Variants in NCAM2 observed in about 807,000 individuals in gnomAD.
NCAM2 encodes neural cell adhesion molecule 2.
In NCAM2, 30 loss-of-function variants were observed where a neutral mutation model predicts 98.1. That is an observed-to-expected ratio of 0.31 (90% CI 0.23 to 0.41). The LOEUF is 0.41. NCAM2 is among the 10% of genes least tolerant of loss of function. The pLI is 1.00. For missense variants in NCAM2, 867 were observed against 1,005.8 expected (o/e 0.86, Z 1.87); for synonymous variants, 368 against 342.4 (o/e 1.07, Z -0.83).
intron 6 of NCAM2, among the ~76,000 whole-genome samples, chr21:21,333,473 C>T (rs1247292783): frequency 6.6e-6 from 1 of 152,122 alleles, no homozygotes; most frequent in Non-Finnish European, 1.5e-5. Flanking sequence ...TCTATTAATG[C>T]CAACCAAATT....
At chr21:21,222,073 G>C (rs1398391372) in intron 1 of NCAM2, among the ~76,000 whole-genome samples, 2 of 152,108 alleles carry the variant, frequency 1.3e-5, no homozygotes, top group East Asian at 3.9e-4. Context: ...GACCAACAAA[G>C]CCTGGATGAC....
intron 1 of NCAM2, among the ~76,000 whole-genome samples, chr21:21,026,806 T>A (rs2064555538): frequency 6.6e-6 from 1 of 151,840 alleles, no homozygotes; most frequent in Non-Finnish European, 1.5e-5. Flanking sequence ...ATTTTCTTAA[T>A]CCTATATGAG....
chr21:21,015,870 A>G (rs1053028851), intron 1 of NCAM2, among the ~76,000 whole-genome samples: 2 of 148,852 alleles, frequency 1.3e-5, no homozygotes, highest in Non-Finnish European at 3.0e-5. Flanking sequence ...TGCCTGGCTA[A>G]TTTTTTTTTT....
At chr21:21,082,281 C>CAACA (rs374999794) in intron 1 of NCAM2, among the ~76,000 whole-genome samples, 1 of 127,874 alleles carries the variant, frequency 7.8e-6, no homozygotes, top group Non-Finnish European at 1.6e-5. Context: ...GAGCTCAAAA[C>CAACA]AAAAAAAAAA....
intron 1 of NCAM2, among the ~76,000 whole-genome samples, chr21:21,250,401 G>T (rs1241722217): frequency 1.3e-5 from 2 of 152,190 alleles, no homozygotes; most frequent in African/African-American, 4.8e-5. Flanking sequence ...AACCATAGGT[G>T]CTGTGTATTT....
chr21:21,052,785 A>G (rs954741737), intron 1 of NCAM2, among the ~76,000 whole-genome samples: 5 of 152,210 alleles, frequency 3.3e-5, no homozygotes, highest in African/African-American at 4.8e-5. Flanking sequence ...TAAAAAATCA[A>G]TTATTGCGTA....
chr21:21,531,420 A>G (rs1989687191), intron 16 of NCAM2, among the ~76,000 whole-genome samples: 1 of 152,184 alleles, frequency 6.6e-6, no homozygotes, highest in Non-Finnish European at 1.5e-5. Flanking sequence ...CAGCTATTAC[A>G]AGTAACCTAC....
intron 1 of NCAM2, among the ~76,000 whole-genome samples, chr21:21,245,369 G>A (rs73896626): frequency 1.8e-4 from 27 of 152,062 alleles, no homozygotes; most frequent in Admixed American, 1.6e-3. Context: ...ATATGTGTTC[G>A]ACCCTTCTTT....
intron 5 of NCAM2, among the ~76,000 whole-genome samples, chr21:21,310,326 G>T (rs371204381): frequency 1.3e-5 from 2 of 152,184 alleles, no homozygotes; most frequent in East Asian, 1.9e-4. Flanking sequence ...CACATTTTAG[G>T]TGTCTCAGGA....
chr21:21,530,244 T>G (rs1341451004), intron 16 of NCAM2, among the ~76,000 whole-genome samples: 1 of 127,770 alleles, frequency 7.8e-6, no homozygotes, highest in Non-Finnish European at 1.6e-5. Flanking sequence ...TTAATTTAAA[T>G]TAATTATATA....
At chr21:21,113,442 A>G (rs565036578) in intron 1 of NCAM2, among the ~76,000 whole-genome samples, 176 of 152,342 alleles carry the variant, frequency 1.2e-3, no homozygotes, top group African/African-American at 3.9e-3. Context: ...TTGTAACTGC[A>G]TATTAGCCAT....
At chr21:21,210,012 T>C (rs1429898054) in intron 1 of NCAM2, among the ~76,000 whole-genome samples, 1 of 152,200 alleles carries the variant, frequency 6.6e-6, no homozygotes, top group Admixed American at 6.5e-5. Flanking sequence ...GACTTTCCAT[T>C]GTGGAAGTCA....
At chr21:21,147,331 AAAG>A in intron 1 of NCAM2, 1 of 958,372 alleles carries the variant, frequency 1.0e-6, no homozygotes, top group South Asian at 4.8e-5. Context: ...TTGAATGTTG[AAAG>A]AAGGGGCTAG....
At chr21:21,055,570 T>G (rs2065193969) in intron 1 of NCAM2, among the ~76,000 whole-genome samples, 2 of 152,096 alleles carry the variant, frequency 1.3e-5, no homozygotes, top group Admixed American at 1.3e-4. Context: ...TTAATTTGTT[T>G]GAATTATAAT....
intron 5 of NCAM2, among the ~76,000 whole-genome samples, chr21:21,303,800 T>C (rs76332292): frequency 0.014 from 2,116 of 152,298 alleles, 15 homozygotes; most frequent in Middle Eastern, 0.037. Flanking sequence ...CTCAGGACTT[T>C]ATGTTTAGAC....
chr21:21,173,092 T>C (rs2068174872), intron 1 of NCAM2, among the ~76,000 whole-genome samples: 1 of 152,148 alleles, frequency 6.6e-6, no homozygotes, highest in African/African-American at 2.4e-5. Context: ...AATGTAACAT[T>C]ATGCCTGAAG....
chr21:21,105,444 A>G (rs1195256889), intron 1 of NCAM2, among the ~76,000 whole-genome samples: 4 of 152,132 alleles, frequency 2.6e-5, no homozygotes, highest in Non-Finnish European at 5.9e-5. Context: ...AACAGCCAAA[A>G]TGGAAGCAAG....
rs183284518 is a variant in NCAM2, at chr21:21,087,602, A to G, written c.55+88984A>G. Among the ~76,000 whole-genome samples the G allele has an allele frequency of 4.6e-5, 7 of 152,234 alleles. No individual in the cohort carries two copies. The East Asian group carries it at 7.7e-4, about 17-fold the overall frequency. On this transcript the variant is annotated intron_variant, in intron 1 of 17. Coordinates refer to ENST00000400546, the MANE Select transcript of NCAM2 (RefSeq NM_004540.5). Reference sequence around the variant, plus strand: ...AACTCTGTAATTAGTCCCTTTGTAAATAAGGTGTTATCTTAATTTGAGTGT... The same window carrying G: ...AACTCTGTAATTAGTCCCTTTGTAAGTAAGGTGTTATCTTAATTTGAGTGT...
chr21:21,452,968 A>AC (rs1569079595), intron 12 of NCAM2, among the ~76,000 whole-genome samples: 1 of 23,620 alleles, frequency 4.2e-5, no homozygotes, highest in Non-Finnish European at 1.1e-4. Context: ...TATATATTAT[A>AC]TATTATTATA....
Sources: allele counts gnomAD v4.1 joint callset (sites outside exome capture counted in the v4.1 genomes callset), GRCh38; gene constraint gnomAD v4.1.1; transcripts MANE v1.5; gene names NCBI Gene and HGNC (gene_info 2026-07-23, HGNC 2026-07-21).